FAR2: variants seen among roughly 807,000 people sequenced by gnomAD.
FAR2 encodes the protein fatty acyl-CoA reductase 2.
In FAR2, 19 loss-of-function variants were observed where a neutral mutation model predicts 56.0. That is an observed-to-expected ratio of 0.34 (90% confidence interval 0.24 to 0.50). FAR2 has a LOEUF of 0.50. FAR2 is among the 20% of genes least tolerant of loss of function. The pLI is 0.98. For missense variants in FAR2, 508 were observed against 642.2 expected (o/e 0.79, Z 2.26); for synonymous variants, 219 against 218.8 (o/e 1.00, Z -0.01).
intron 5 of FAR2, among the ~76,000 whole-genome samples, chr12:29,308,647 C>G (rs2136784173): frequency 6.6e-6 from 1 of 151,016 alleles, no homozygotes; most frequent in East Asian, 2.0e-4. Flanking sequence ...AATATAATCT[C>G]TGTAACATCT....
At chr12:29,266,857 T>C (rs1948525564) in intron 1 of FAR2, among the ~76,000 whole-genome samples, 1 of 152,084 alleles carries the variant, frequency 6.6e-6, no homozygotes, top group Non-Finnish European at 1.5e-5. Context: ...AAATTTTAGA[T>C]CATACCTTGC....
chr12:29,172,241 G>A (rs1044731300), intron 1 of FAR2, among the ~76,000 whole-genome samples: 74 of 150,392 alleles, frequency 4.9e-4, no homozygotes, highest in Non-Finnish European at 1.9e-4. Flanking sequence ...CTGCCTGGTC[G>A]CTGCCCCATC....
intron 1 of FAR2, among the ~76,000 whole-genome samples, chr12:29,270,120 A>G (rs1304047370): frequency 6.6e-6 from 1 of 152,222 alleles, no homozygotes; most frequent in Non-Finnish European, 1.5e-5. Context: ...TGTATTTAAC[A>G]GTCTCTTTAT....
At chr12:29,324,551 T>C (rs1241759788) in intron 10 of FAR2, among the ~76,000 whole-genome samples, 1 of 152,184 alleles carries the variant, frequency 6.6e-6, no homozygotes, top group African/African-American at 2.4e-5. Context: ...AGATGATCTC[T>C]CGGCAGAAAC....
At position 29,335,233 on chromosome 12, in the gene FAR2, G is replaced by A. The variant is rs906282935; in HGVS notation, c.*1439G>A. 5 of 152,156 alleles carry A rather than the reference G, an allele frequency of 3.3e-5. No homozygotes were observed. Among genetic ancestry groups the A allele is most frequent in the African/African-American group, 9.7e-5 (4 of 41,444 alleles). 9.4% of individuals were successfully genotyped at this position (152,156 alleles called of 1,614,324 possible). A position where few individuals can be genotyped will look rare whatever the true frequency, so the allele number is the denominator to read the frequency against. On this transcript the variant is annotated 3_prime_UTR_variant, in exon 12 of 12. Coordinates refer to ENST00000536681, the MANE Select transcript of FAR2 (RefSeq NM_001271783.2). Reference sequence around the variant, plus strand: ...TTTAAGTGTACAAGGCCTTAGGGCAGTATCTAGCCCAGTATTATTCCAGAT... The same window carrying A: ...TTTAAGTGTACAAGGCCTTAGGGCAATATCTAGCCCAGTATTATTCCAGAT...
intron 1 of FAR2, among the ~76,000 whole-genome samples, chr12:29,256,612 C>G (rs1164987664): frequency 6.6e-6 from 1 of 152,232 alleles, no homozygotes; most frequent in Non-Finnish European, 1.5e-5. Context: ...AGGCCAGAGC[C>G]CACTCCCTCA....
chr12:29,305,509 C>T (rs1949241093), intron 4 of FAR2, among the ~76,000 whole-genome samples: 1 of 152,142 alleles, frequency 6.6e-6, no homozygotes, highest in Admixed American at 6.5e-5. Flanking sequence ...TAAAAAATAA[C>T]AATGCCTTAG....
At chr12:29,316,072 T>A (rs1949444698) in intron 8 of FAR2, among the ~76,000 whole-genome samples, 1 of 152,176 alleles carries the variant, frequency 6.6e-6, no homozygotes, top group Non-Finnish European at 1.5e-5. Flanking sequence ...AGCTGGTATT[T>A]TTTTAAGGAG....
chr12:29,229,537 CTATT>C (rs1442673879), intron 1 of FAR2, among the ~76,000 whole-genome samples: 1 of 152,096 alleles, frequency 6.6e-6, no homozygotes, highest in Non-Finnish European at 1.5e-5. Context: ...AAGACCAAAT[CTATT>C]TGTTACTTAA....
intron 9 of FAR2, among the ~76,000 whole-genome samples, chr12:29,317,361 A>G (rs549662375): frequency 6.6e-6 from 1 of 152,330 alleles, no homozygotes; most frequent in East Asian, 1.9e-4. Context: ...TGAAACAGAA[A>G]TGAATTTTGT....
chr12:29,284,630 G>T (rs2136732360), intron 2 of FAR2, among the ~76,000 whole-genome samples: 1 of 152,280 alleles, frequency 6.6e-6, no homozygotes, highest in East Asian at 1.9e-4. Flanking sequence ...AGAAGACAGG[G>T]ACATTTTATG....
chr12:29,309,981 A>C (rs1282695052), intron 6 of FAR2: 1 of 152,134 alleles, frequency 6.6e-6, no homozygotes, highest in Non-Finnish European at 1.5e-5. Context: ...TCAGACTCTG[A>C]CTCTGTTCCT....
chr12:29,276,297 G>A (rs944288977), intron 2 of FAR2, among the ~76,000 whole-genome samples: 1 of 152,108 alleles, frequency 6.6e-6, no homozygotes, highest in Non-Finnish European at 1.5e-5. Flanking sequence ...GCCAAAAAAA[G>A]AAGTGTTTTT....
intron 1 of FAR2, among the ~76,000 whole-genome samples, chr12:29,213,141 A>T (rs1947572587): frequency 6.6e-6 from 1 of 151,950 alleles, no homozygotes; most frequent in Admixed American, 6.5e-5. Context: ...TAAGTCTCCT[A>T]TTCAGAAGCA....
chr12:29,294,771 C>T (rs1435222658), intron 3 of FAR2, among the ~76,000 whole-genome samples: 1 of 152,066 alleles, frequency 6.6e-6, no homozygotes, highest in Non-Finnish European at 1.5e-5. Flanking sequence ...TTCATTTTTA[C>T]ATTTAGATTT....
At chr12:29,165,708 T>G (rs1232747496) in intron 1 of FAR2, among the ~76,000 whole-genome samples, 1 of 152,192 alleles carries the variant, frequency 6.6e-6, no homozygotes, top group African/African-American at 2.4e-5. Flanking sequence ...GTCTTTGTTA[T>G]CAAGGACAGT....
intron 2 of FAR2, among the ~76,000 whole-genome samples, chr12:29,284,230 A>C (rs1212570748): frequency 6.6e-6 from 1 of 152,250 alleles, no homozygotes; most frequent in Non-Finnish European, 1.5e-5. Context: ...TATCATTGAG[A>C]TAATACCAAA....
chr12:29,207,276 C>A (rs530107196), intron 1 of FAR2, among the ~76,000 whole-genome samples: 1 of 152,128 alleles, frequency 6.6e-6, no homozygotes, highest in South Asian at 2.1e-4. Context: ...TTAGAAACTT[C>A]GGTTTAACAG....
At chr12:29,175,391 T>G (rs1219790295) in intron 1 of FAR2, among the ~76,000 whole-genome samples, 1 of 152,236 alleles carries the variant, frequency 6.6e-6, no homozygotes, top group Non-Finnish European at 1.5e-5. Context: ...TCTTGCTGAC[T>G]TCAAGAATGA....
Sources: allele counts gnomAD v4.1 joint callset (sites outside exome capture counted in the v4.1 genomes callset), GRCh38; gene constraint gnomAD v4.1.1; transcripts MANE v1.5; gene names NCBI Gene and HGNC (gene_info 2026-07-23, HGNC 2026-07-21).